GRIP1: variants seen among roughly 807,000 people sequenced by gnomAD.
The protein encoded by GRIP1 is glutamate receptor interacting protein 1, also known as glutamate receptor-interacting protein 1.
GRIP1 carries 45 observed loss-of-function variants against 129.9 expected under a neutral mutation model. That is an observed-to-expected ratio of 0.35 (90% CI 0.27 to 0.44). The LOEUF is 0.44. Among genes scored for constraint, GRIP1 ranks in the 20% least tolerant of loss-of-function variants. GRIP1 has a pLI of 1.00. For missense variants in GRIP1, 1,196 were observed against 1,396.8 expected (o/e 0.86, Z 2.29); for synonymous variants, 530 against 520.8 (o/e 1.02, Z -0.24).
At chr12:66,794,479 A>G (rs2038640166) in intron 1 of GRIP1, among the ~76,000 whole-genome samples, 1 of 152,130 alleles carries the variant, frequency 6.6e-6, no homozygotes, top group African/African-American at 2.4e-5. Flanking sequence ...AACCCTTGGG[A>G]GAGTGAGCAG....
At position 66,621,266 on chromosome 12, in the gene GRIP1, T is replaced by C. The variant is rs368046542; in HGVS notation, c.56-24339A>G. ...GTACTAATTAAACAATAACTTCCCATTGTCCCCCCACAGTTCCTGGTAACC... is the reference window on the plus strand; with the variant it reads ...GTACTAATTAAACAATAACTTCCCACTGTCCCCCCACAGTTCCTGGTAACC... On this transcript the variant is annotated intron_variant, in intron 1 of 24. Coordinates refer to ENST00000359742, the MANE Select transcript of GRIP1 (RefSeq NM_001366722.1). Among the ~76,000 whole-genome samples the C allele has an allele frequency of 3.0e-4, 45 of 152,222 alleles. 1 individual carries two copies. The highest frequency in any genetic ancestry group is 1.0e-3 in the African/African-American group (42 of 41,546).
intron 5 of GRIP1, among the ~76,000 whole-genome samples, chr12:66,518,687 C>G (rs375434694): frequency 6.6e-6 from 1 of 152,192 alleles, no homozygotes; most frequent in South Asian, 2.1e-4. Context: ...GAAATGCACG[C>G]GTGCTGGCCT....
intron 1 of GRIP1, among the ~76,000 whole-genome samples, chr12:66,842,976 A>G (rs978604355): frequency 4.6e-5 from 7 of 152,172 alleles, no homozygotes; most frequent in African/African-American, 1.7e-4. Context: ...TCAAAATATC[A>G]TATACATCTG....
intron 1 of GRIP1, among the ~76,000 whole-genome samples, chr12:66,783,234 A>G (rs1271942201): frequency 6.6e-6 from 1 of 152,140 alleles, no homozygotes; most frequent in Non-Finnish European, 1.5e-5. Flanking sequence ...GTGTTTTGCC[A>G]TGTTGGCCAG....
intron 11 of GRIP1, among the ~76,000 whole-genome samples, chr12:66,448,748 A>G (rs2058698904): frequency 2.6e-5 from 4 of 152,202 alleles, no homozygotes; most frequent in Admixed American, 2.6e-4. Context: ...CCAGTGTACA[A>G]TACTGGATAG....
chr12:66,917,209 T>G (rs1160901727), intron 1 of GRIP1, among the ~76,000 whole-genome samples: 2 of 152,242 alleles, frequency 1.3e-5, no homozygotes, highest in Admixed American at 1.3e-4. Flanking sequence ...TTCTATACTT[T>G]TATCAGCATA....
intron 1 of GRIP1, among the ~76,000 whole-genome samples, chr12:66,949,465 A>G (rs1285489333): frequency 2.0e-5 from 3 of 152,218 alleles, no homozygotes; most frequent in Non-Finnish European, 1.5e-5. Context: ...TGTGGCTAAG[A>G]TGAGACTTGG....
chr12:66,734,652 A>G (rs2036539892), intron 1 of GRIP1, among the ~76,000 whole-genome samples: 1 of 152,216 alleles, frequency 6.6e-6, no homozygotes, highest in Admixed American at 6.5e-5. Flanking sequence ...AATAAACAAG[A>G]TATTTTAAAA....
intron 1 of GRIP1, among the ~76,000 whole-genome samples, chr12:67,054,574 G>A (rs942830226): frequency 1.3e-5 from 2 of 152,022 alleles, no homozygotes; most frequent in Admixed American, 1.3e-4. Flanking sequence ...GACTAGCCTG[G>A]CCAAAATGGC....
intron 22 of GRIP1, among the ~76,000 whole-genome samples, chr12:66,374,689 GC>G (rs1252062293): frequency 4.6e-5 from 7 of 152,252 alleles, no homozygotes; most frequent in African/African-American, 1.7e-4. Context: ...CCACAGTTTT[GC>G]TTTGATGAGT....
At chr12:66,666,123 A>G (rs946248389) in intron 1 of GRIP1, among the ~76,000 whole-genome samples, 3 of 152,210 alleles carry the variant, frequency 2.0e-5, no homozygotes, top group African/African-American at 7.2e-5. Context: ...AATAACATTT[A>G]CGTTCCCTTC....
intron 1 of GRIP1, among the ~76,000 whole-genome samples, chr12:66,640,979 A>T (rs2031870997): frequency 6.6e-6 from 1 of 152,224 alleles, no homozygotes; most frequent in South Asian, 2.1e-4. Flanking sequence ...CAAGAGTGCC[A>T]ATAACTTTTT....
rs1054267333 is a variant in GRIP1, at chr12:66,391,163, G to A, written c.2464+1145C>T. On this transcript the variant is annotated intron_variant, in intron 19 of 24. Transcript: ENST00000359742. ...AACTGGATACAGACACTCCTAAAAA[G>A]TACAGTTAACTCAGTGACAAAGCAG... 2.0e-5 allele frequency among the ~76,000 whole-genome samples: 3 copies of A among 152,140 alleles called. No individual in the cohort carries two copies. The South Asian group carries it at 6.2e-4, about 32-fold the overall frequency.
intron 1 of GRIP1, among the ~76,000 whole-genome samples, chr12:67,025,238 G>A (rs2135756184): frequency 6.6e-6 from 1 of 152,290 alleles, no homozygotes; most frequent in South Asian, 2.1e-4. Context: ...CTACTTGGGA[G>A]GCTGAGGCAG....
intron 2 of GRIP1, among the ~76,000 whole-genome samples, chr12:66,549,592 G>A (rs1220868998): frequency 6.6e-6 from 1 of 152,096 alleles, no homozygotes; most frequent in Non-Finnish European, 1.5e-5. Flanking sequence ...GCAAAGCTGT[G>A]GGGATCAAAG....
chr12:66,968,317 TCTTAA>T (rs780283942), intron 1 of GRIP1, among the ~76,000 whole-genome samples: 81 of 152,274 alleles, frequency 5.3e-4, no homozygotes, highest in Non-Finnish European at 6.9e-4. Flanking sequence ...ATCCCTTTAC[TCTTAA>T]CTTGATGCTT....
rs188458966 is a variant in GRIP1 at position 66,571,107 on chromosome 12, T to C, written c.136+25740A>G. The stretch of plus-strand genomic sequence containing the variant: ...GACCAGGTTGCCAAAGTGACTCTTA[T>C]CATAAAAGAGTTCTGAATTCTAATT... On this transcript the variant is annotated intron_variant, in intron 2 of 24. Transcript: ENST00000359742. 8 of 152,342 alleles carry C rather than the reference T, an allele frequency of 5.3e-5. No homozygotes were observed. The East Asian group carries it at 1.5e-3, about 29-fold the overall frequency. 9.4% of individuals were successfully genotyped at this position (152,342 alleles called of 1,614,324 possible). A position where few individuals can be genotyped will look rare whatever the true frequency, so the allele number is the denominator to read the frequency against.
intron 1 of GRIP1, among the ~76,000 whole-genome samples, chr12:67,065,658 G>C (rs1181772657): frequency 6.6e-6 from 1 of 152,152 alleles, no homozygotes; most frequent in Admixed American, 6.5e-5. Context: ...CATTATGGTT[G>C]ATTTTCTATC....
intron 1 of GRIP1, among the ~76,000 whole-genome samples, chr12:66,897,061 G>T (rs2040762295): frequency 6.6e-6 from 1 of 152,126 alleles, no homozygotes; most frequent in African/African-American, 2.4e-5. Context: ...GCGTGCTCCT[G>T]GGTATGTTGC....
Sources: gnomAD v4.1 joint callset for allele counts (sites outside exome capture counted in the v4.1 genomes callset) on GRCh38, gnomAD v4.1.1 for gene constraint, MANE v1.5 for transcripts, NCBI Gene and HGNC (gene_info 2026-07-23, HGNC 2026-07-21) for gene names.